Variants in KBTBD12 observed in about 807,000 individuals in gnomAD.
KBTBD12 encodes kelch repeat and BTB domain-containing protein 12.
KBTBD12 carries 53 observed loss-of-function variants against 58.7 expected under a neutral mutation model. The observed-to-expected ratio is 0.90, with a 90% CI of 0.72 to 1.14. The LOEUF (loss-of-function observed/expected upper bound fraction) is 1.14. Ranked by LOEUF, KBTBD12 falls within the 50% of genes most tolerant of loss-of-function variation. KBTBD12 has a pLI of 0.00. For missense variants in KBTBD12, 704 were observed against 751.3 expected (o/e 0.94, Z 0.74); for synonymous variants, 236 against 259.8 (o/e 0.91, Z 0.88).
rs1163048212 is a variant in KBTBD12 at position 127,984,737 on chromosome 3, TG to T, written c.*463del. ...AGTATCCTGGCTGGGCCAGATTGCC[TG>T]GGGCACAGGGTTTGTGGTCAAGGCT... On this transcript the variant is annotated 3_prime_UTR_variant, in exon 6 of 6. Coordinates refer to ENST00000405109, the MANE Select transcript of KBTBD12 (RefSeq NM_207335.4). The T allele has an allele frequency of 2.0e-5, 3 of 153,166 alleles. No homozygotes were observed. The highest frequency in any genetic ancestry group is 6.5e-5 in the Admixed American group (1 of 15,364). 9.5% of individuals were successfully genotyped at this position (153,166 alleles called of 1,614,324 possible). A position where few individuals can be genotyped will look rare whatever the true frequency, so the allele number is the denominator to read the frequency against.
At chr3:127,924,243 C>T in intron 2 of KBTBD12, 112 bp downstream of exon 2, 1 of 639,392 alleles carries the variant, frequency 1.6e-6, no homozygotes, top group Non-Finnish European at 2.7e-6. Flanking sequence ...TCAAAATTAC[C>T]CTATACATCT....
rs189817935 is a variant in KBTBD12, at chr3:127,931,849, G to A, written c.1492+1566G>A. ...GGAGAATGGAATAAGCAGTGGTTTG[G>A]AGGTGAGAATGAAAGTGGTGAGAGT... is the stretch of plus-strand genomic sequence containing the variant. On this transcript the variant is annotated intron_variant, in intron 4 of 5. Coordinates refer to ENST00000405109, the MANE Select transcript of KBTBD12 (RefSeq NM_207335.4). Among the ~76,000 whole-genome samples the A allele has an allele frequency of 9.2e-5, 14 of 152,212 alleles. No homozygotes were observed. In the East Asian group the frequency reaches 2.5e-3, roughly 27 times the overall value.
chr3:127,934,078 G>A (rs548308650), intron 4 of KBTBD12, among the ~76,000 whole-genome samples: 26 of 152,246 alleles, frequency 1.7e-4, no homozygotes, highest in South Asian at 1.0e-3. Context: ...TGGGGGTGGT[G>A]CAGAAGTATT....
intron 1 of KBTBD12, among the ~76,000 whole-genome samples, chr3:127,921,990 T>C (rs1939421988): frequency 1.3e-5 from 2 of 152,150 alleles, no homozygotes; most frequent in South Asian, 2.1e-4. Flanking sequence ...TGCTTGCAAC[T>C]TACAGCCAAG....
At chr3:127,930,816 TAACTAACAAG>T (rs1939684112) in intron 4 of KBTBD12, among the ~76,000 whole-genome samples, 1 of 152,284 alleles carries the variant, frequency 6.6e-6, no homozygotes, top group African/African-American at 2.4e-5. Context: ...GTACTAACCA[TAACTAACAAG>T]AATTGGTAAA....
At chr3:127,934,048 A>G (rs1025135647) in intron 4 of KBTBD12, among the ~76,000 whole-genome samples, 3 of 152,084 alleles carry the variant, frequency 2.0e-5, no homozygotes, top group African/African-American at 7.2e-5. Flanking sequence ...AGAAACAGAA[A>G]AGCATAACCC....
rs1410369768 is a variant in KBTBD12, at chr3:127,923,626, T to C, written c.565T>C (p.Ser189Pro). 1 of 1,613,578 alleles carries C rather than the reference T, an allele frequency of 6.2e-7. No individual in the cohort carries two copies. The highest frequency in any genetic ancestry group is 8.5e-7 in the Non-Finnish European group (1 of 1,179,786). The part of the protein sequence containing the change: ...TLIKSDDLNI[S>P]REESILDLVL... ...TATTAAATCAGATGATCTTAACATA[T>C]CCAGAGAAGAGAGCATTCTGGACTT... The change falls in exon 2 of 6, where the codon TCC becomes CCC. Residue 189 changes from serine to proline, a missense_variant. Ser to Pro is a moderately conservative substitution (Grantham distance 74, BLOSUM62 -1). Transcript: ENST00000405109.
intron 5 of KBTBD12, among the ~76,000 whole-genome samples, chr3:127,979,126 A>G (rs1313994893): frequency 6.6e-6 from 1 of 152,234 alleles, no homozygotes; most frequent in Non-Finnish European, 1.5e-5. Flanking sequence ...AAACAAAAAA[A>G]TCAACATTTT....
Position 127,922,954 on chromosome 3 carries a change from G to A in KBTBD12, c.-108G>A. The A allele has an allele frequency of 1.5e-6, 1 of 660,018 alleles. No individual in the cohort carries two copies. The highest frequency in any genetic ancestry group is 1.8e-5 in the African/African-American group (1 of 55,200). The allele number at this position is 660,018 out of a possible 1,614,324, so 40.9% of individuals were successfully genotyped here. A position where few individuals can be genotyped will look rare whatever the true frequency, so the allele number is the denominator to read the frequency against. ...TGCCTTTTTTCTTTCCCTTAGAAATGTTTCCTGACATCTTTGTAGCTTCAT... is the reference window on the plus strand; with the variant it reads ...TGCCTTTTTTCTTTCCCTTAGAAATATTTCCTGACATCTTTGTAGCTTCAT... On this transcript the variant is annotated 5_prime_UTR_variant, in exon 2 of 6. It removes an upstream start codon present in the reference 5' UTR. Transcript: ENST00000405109.
At chr3:127,929,138 A>G (rs1317333948) in intron 3 of KBTBD12, among the ~76,000 whole-genome samples, 3 of 152,234 alleles carry the variant, frequency 2.0e-5, no homozygotes, top group Non-Finnish European at 2.9e-5. Context: ...TAGAAGGAAA[A>G]TTAAAACCAT....
intron 1 of KBTBD12, among the ~76,000 whole-genome samples, chr3:127,920,798 G>A (rs1344347222): frequency 1.3e-5 from 2 of 151,870 alleles, no homozygotes; most frequent in African/African-American, 4.8e-5. Flanking sequence ...GTTTATTCTT[G>A]TGATTTATAT....
At chr3:127,974,721 C>T (rs1236827881) in intron 5 of KBTBD12, among the ~76,000 whole-genome samples, 3 of 152,314 alleles carry the variant, frequency 2.0e-5, no homozygotes, top group South Asian at 2.1e-4. Flanking sequence ...GGCACGGTGG[C>T]TCACGCCTGT....
chr3:127,937,220 G>A (rs1010638011), intron 4 of KBTBD12, among the ~76,000 whole-genome samples: 5 of 151,824 alleles, frequency 3.3e-5, no homozygotes, highest in African/African-American at 1.2e-4. Flanking sequence ...ACAAAACAGT[G>A]GAGACCTCAC....
intron 5 of KBTBD12, among the ~76,000 whole-genome samples, chr3:127,975,481 T>C (rs1162169043): frequency 6.6e-6 from 1 of 152,182 alleles, no homozygotes; most frequent in African/African-American, 2.4e-5. Flanking sequence ...ACCAAGAAGA[T>C]ACACATGACA....
intron 4 of KBTBD12, among the ~76,000 whole-genome samples, chr3:127,948,554 A>C (rs1940137554): frequency 6.6e-6 from 1 of 152,206 alleles, no homozygotes; most frequent in Admixed American, 6.5e-5. Flanking sequence ...TAACTGGAAG[A>C]GTGGGATAAA....
At chr3:127,935,253 AT>A (rs1223667846) in intron 4 of KBTBD12, among the ~76,000 whole-genome samples, 1 of 152,164 alleles carries the variant, frequency 6.6e-6, no homozygotes, top group Non-Finnish European at 1.5e-5. Context: ...TAAAGCAGCA[AT>A]TGTGATACTA....
rs149108843 is a variant in KBTBD12 at position 127,954,543 on chromosome 3, T to A, written c.1493-8646T>A. ...GTTATGCTCTTGAATAAATTATGCT[T>A]CCTTCTGAAATGAAAATGTGTATTC... On this transcript the variant is annotated intron_variant, in intron 4 of 5. Coordinates refer to ENST00000405109, the MANE Select transcript of KBTBD12 (RefSeq NM_207335.4). Among the ~76,000 whole-genome samples the A allele has an allele frequency of 4.1e-3, 621 of 152,364 alleles. 2 individuals are homozygous for A. Among genetic ancestry groups the A allele is most frequent in the African/African-American group, 0.015 (604 of 41,582 alleles).
chr3:127,918,259 A>T (rs908588707), intron 1 of KBTBD12, among the ~76,000 whole-genome samples: 1 of 152,236 alleles, frequency 6.6e-6, no homozygotes, highest in Non-Finnish European at 1.5e-5. Flanking sequence ...AGTGAATGGC[A>T]ATAGCAGTGC....
At chr3:127,981,559 A>T in intron 5 of KBTBD12, among the ~76,000 whole-genome samples, 1 of 152,180 alleles carries the variant, frequency 6.6e-6, no homozygotes, top group East Asian at 1.9e-4. Context: ...GGAGGAAAGA[A>T]ATTCTGTAAT....
Sources: allele counts gnomAD v4.1 joint callset (sites outside exome capture counted in the v4.1 genomes callset), GRCh38; gene constraint gnomAD v4.1.1; transcripts MANE v1.5; gene names NCBI Gene and HGNC (gene_info 2026-07-23, HGNC 2026-07-21).